The following LMBR1 variants were observed in gnomAD, a reference collection of about 807,000 sequenced individuals.
The protein encoded by LMBR1 is limb development membrane protein 1.
A neutral mutation model predicts 73.9 loss-of-function variants in LMBR1; 52 were observed. The observed-to-expected ratio is 0.70, with a 90% CI of 0.56 to 0.89. The LOEUF is 0.89. Among genes scored for constraint, LMBR1 ranks in the 40% least tolerant of loss-of-function variants. LMBR1 has a pLI of 0.00. For synonymous variants in LMBR1, 215 were observed against 209.4 expected, an observed-to-expected ratio of 1.03 and a Z score of -0.23; for missense variants, 539 against 579.8, an observed-to-expected ratio of 0.93 and a Z score of 0.72.
At chr7:156,759,180 G>A (rs1212235981) in intron 8 of LMBR1, among the ~76,000 whole-genome samples, 1 of 152,236 alleles carries the variant, frequency 6.6e-6, no homozygotes, top group African/African-American at 2.4e-5. Flanking sequence ...ATTCCCAGAT[G>A]GGGAGACAAA....
chr7:156,675,752 C>CTTTGCAGAAAT, downstream of LMBR1: 1 of 1,614,058 alleles, frequency 6.2e-7, no homozygotes, highest in Non-Finnish European at 8.5e-7. Flanking sequence ...TTGAAGAGCT[C>CTTTGCAGAAAT]TTTGCAGAAA....
intron 14 of LMBR1, 100 bp downstream of exon 14, chr7:156,725,335 A>G: frequency 1.5e-6 from 1 of 687,820 alleles, no homozygotes; most frequent in South Asian, 2.2e-5. Flanking sequence ...ACAAACAAAT[A>G]CCTATCACTG....
In LMBR1 at chr7:156,679,797, GTACCACCT is replaced by G. The variant is rs1804695475; in HGVS notation, c.*4273_*4280del. The stretch of plus-strand genomic sequence containing the variant: ...ATCCAGGCTCATAAACTTGACTTCT[GTACCACCT>G]TTAGAAGTAACAGCAGAACACCAAA... On this transcript the variant is annotated 3_prime_UTR_variant, in exon 17 of 17. Coordinates refer to ENST00000353442, the MANE Select transcript of LMBR1 (RefSeq NM_022458.4). The G allele has an allele frequency of 6.6e-6, 1 of 152,088 alleles. No individual in the cohort carries two copies. Among genetic ancestry groups the G allele is most frequent in the Admixed American group, 6.5e-5 (1 of 15,270 alleles). 9.4% of individuals were successfully genotyped at this position (152,088 alleles called of 1,614,324 possible). A position where few individuals can be genotyped will look rare whatever the true frequency, so the allele number is the denominator to read the frequency against.
At chr7:156,850,451 C>T (rs541559595) in intron 1 of LMBR1, among the ~76,000 whole-genome samples, 3 of 152,314 alleles carry the variant, frequency 2.0e-5, no homozygotes, top group Non-Finnish European at 4.4e-5. Flanking sequence ...TTCCTCCCAC[C>T]CTGCTTAGAC....
chr7:156,680,518 A>T lies in LMBR1; in HGVS notation c.*3560T>A, dbSNP rs761705422. ...AATTAACCAGATGCTAACAGCATTT[A>T]TTCTTCCAGGAACTCTGGGTTAAGC... is the stretch of plus-strand genomic sequence containing the variant. On this transcript the variant is annotated 3_prime_UTR_variant, in exon 17 of 17. Coordinates refer to ENST00000353442, the MANE Select transcript of LMBR1 (RefSeq NM_022458.4). The T allele has an allele frequency of 6.6e-6, 1 of 152,226 alleles. No homozygotes were observed. The highest frequency in any genetic ancestry group is 1.5e-5 in the Non-Finnish European group (1 of 68,072). 9.4% of individuals were successfully genotyped at this position (152,226 alleles called of 1,614,324 possible).
downstream of LMBR1, chr7:156,676,487 C>T (rs373560241): frequency 6.2e-6 from 10 of 1,613,914 alleles, no homozygotes; most frequent in African/African-American, 1.3e-5. Context: ...GCGGTCAGCG[C>T]GTGGGTGCAG....
chr7:156,703,387 C>T (rs1453743183), intron 15 of LMBR1, among the ~76,000 whole-genome samples: 2 of 152,196 alleles, frequency 1.3e-5, no homozygotes, highest in Non-Finnish European at 2.9e-5. Context: ...AAGACCTCAG[C>T]AGGAGGAGAG....
intron 1 of LMBR1, among the ~76,000 whole-genome samples, chr7:156,843,559 G>A (rs1313499131): frequency 1.3e-5 from 2 of 152,128 alleles, no homozygotes; most frequent in East Asian, 1.9e-4. Context: ...ATAAAATCCA[G>A]GGAAGGCTGG....
intron 1 of LMBR1, among the ~76,000 whole-genome samples, chr7:156,880,350 A>T (rs1800895069): frequency 6.6e-6 from 1 of 152,076 alleles, no homozygotes; most frequent in African/African-American, 2.4e-5. Flanking sequence ...TCAGGGGGAA[A>T]GGGTGGGAAA....
At chr7:156,873,258 T>C (rs1199415552) in intron 1 of LMBR1, among the ~76,000 whole-genome samples, 1 of 151,676 alleles carries the variant, frequency 6.6e-6, no homozygotes, top group East Asian at 1.9e-4. Flanking sequence ...ACCTTCGCGG[T>C]GAGTGTTACA....
intron 4 of LMBR1, chr7:156,823,715 G>A (rs1299457390): frequency 1.3e-5 from 2 of 152,012 alleles, no homozygotes; most frequent in African/African-American, 4.8e-5. Context: ...CACTAAAAAT[G>A]GTTTTGAAGA....
intron 4 of LMBR1, among the ~76,000 whole-genome samples, chr7:156,807,328 G>C (rs1832320067): frequency 6.6e-6 from 1 of 152,246 alleles, no homozygotes; most frequent in Non-Finnish European, 1.5e-5. Context: ...CTATATGATA[G>C]AACTGACAGT....
intron 4 of LMBR1, among the ~76,000 whole-genome samples, chr7:156,804,140 GAAT>G (rs886112018): frequency 2.0e-5 from 3 of 151,888 alleles, no homozygotes; most frequent in Non-Finnish European, 2.9e-5. Flanking sequence ...ACTTAAAGTA[GAAT>G]AATAATAAAA....
At chr7:156,892,807 G>GGGCGGGA in intron 1 of LMBR1, 121 bp downstream of exon 1, 2 of 457,934 alleles carry the variant, frequency 4.4e-6, no homozygotes, top group Non-Finnish European at 6.6e-6. Context: ...GCAGAGGCCG[G>GGGCGGGA]GGCGGGAGGC....
downstream of LMBR1, chr7:156,675,796 T>G: frequency 6.2e-7 from 1 of 1,614,150 alleles, no homozygotes; most frequent in Non-Finnish European, 8.5e-7. Flanking sequence ...CGAAGTGTTC[T>G]TCAGCAGTTG....
intron 3 of LMBR1, among the ~76,000 whole-genome samples, chr7:156,832,141 A>G (rs1421897635): frequency 6.6e-6 from 1 of 152,224 alleles, no homozygotes; most frequent in Admixed American, 6.5e-5. Context: ...TGAGAGTAAG[A>G]ATTTCCAGCA....
At chr7:156,810,287 G>T (rs1832865918) in intron 4 of LMBR1, among the ~76,000 whole-genome samples, 1 of 152,190 alleles carries the variant, frequency 6.6e-6, no homozygotes, top group African/African-American at 2.4e-5. Context: ...TGAGAATAAA[G>T]AACTCACTCA....
At chr7:156,807,668 A>G (rs1585929939) in intron 4 of LMBR1, among the ~76,000 whole-genome samples, 1 of 152,182 alleles carries the variant, frequency 6.6e-6, no homozygotes, top group African/African-American at 2.4e-5. Flanking sequence ...ATTTTTAAAG[A>G]AAGATTTCCC....
At chr7:156,765,613 TTCTC>T (rs1239658057) in intron 5 of LMBR1, among the ~76,000 whole-genome samples, 1 of 152,192 alleles carries the variant, frequency 6.6e-6, no homozygotes, top group Non-Finnish European at 1.5e-5. Context: ...TCCCCTCCTT[TTCTC>T]TCTTTCTAAA....
Sources: allele counts gnomAD v4.1 joint callset (sites outside exome capture counted in the v4.1 genomes callset), GRCh38; gene constraint gnomAD v4.1.1; transcripts MANE v1.5; gene names NCBI Gene and HGNC (gene_info 2026-07-23, HGNC 2026-07-21).